Variants in EPHX2 observed in about 807,000 individuals in gnomAD.
EPHX2 encodes the protein epoxide hydrolase 2.
Under a neutral mutation model 78.7 loss-of-function variants are expected in EPHX2, and 74 were observed. That is an observed-to-expected ratio of 0.94 (90% CI 0.78 to 1.14). EPHX2 has a LOEUF of 1.14. Ranked by LOEUF, EPHX2 falls within the 50% of genes most tolerant of loss-of-function variation. The pLI is 0.00. For synonymous variants in EPHX2, 251 were observed against 255.2 expected, an observed-to-expected ratio of 0.98 and a Z score of 0.16; for missense variants, 715 against 702.5, an observed-to-expected ratio of 1.02 and a Z score of -0.20.
intron 12 of EPHX2, among the ~76,000 whole-genome samples, chr8:27,533,198 G>T (rs1815102630): frequency 6.6e-6 from 1 of 152,160 alleles, no homozygotes; most frequent in African/African-American, 2.4e-5. Flanking sequence ...TAAGAAATGG[G>T]CATTATCTCA....
chr8:27,525,837 C>T (rs895196562), intron 12 of EPHX2, among the ~76,000 whole-genome samples: 1 of 152,186 alleles, frequency 6.6e-6, no homozygotes, highest in African/African-American at 2.4e-5. Context: ...AGTCCTGCAA[C>T]AGGCCCCACA....
intron 2 of EPHX2, among the ~76,000 whole-genome samples, chr8:27,501,324 TTTCTTCTTCTTCTTCTTCTTCTTC>T (rs796293855): frequency 8.8e-4 from 91 of 103,012 alleles, no homozygotes; most frequent in South Asian, 2.3e-3. Flanking sequence ...TGCTATATAT[TTTCTTCTTCTTCTTCTTCTTCTTC>T]TTCTTCTTCT....
At chr8:27,503,519 G>A (rs1459234021) in intron 2 of EPHX2, 85 bp from the exon 3 acceptor site, 6 of 1,423,854 alleles carry the variant, frequency 4.2e-6, no homozygotes, top group Non-Finnish European at 4.8e-6. Flanking sequence ...TTGGTCACAG[G>A]GAATGTATAT....
At chr8:27,538,767 A>G (rs1447197003) in intron 14 of EPHX2, 75 bp downstream of exon 14, 20 of 1,511,068 alleles carry the variant, frequency 1.3e-5, no homozygotes, top group Non-Finnish European at 1.8e-5. Context: ...TCTGACTGCT[A>G]TGGGCAGAAG....
At chr8:27,501,484 G>A (rs775684097) in intron 2 of EPHX2, among the ~76,000 whole-genome samples, 73 of 151,582 alleles carry the variant, frequency 4.8e-4, no homozygotes, top group Middle Eastern at 6.8e-3. Context: ...GCTCACTGCA[G>A]CCTTTACCTC....
intron 1 of EPHX2, among the ~76,000 whole-genome samples, chr8:27,499,433 A>G (rs1813687810): frequency 6.6e-6 from 1 of 152,218 alleles, no homozygotes; most frequent in African/African-American, 2.4e-5. Flanking sequence ...ATGTCTCCAT[A>G]TAGTTGGTCC....
intron 1 of EPHX2, among the ~76,000 whole-genome samples, chr8:27,496,553 C>G (rs1473067235): frequency 6.6e-6 from 1 of 152,176 alleles, no homozygotes; most frequent in Non-Finnish European, 1.5e-5. Flanking sequence ...TTGGGTATAG[C>G]TGGATATAGA....
At chr8:27,492,541 C>T (rs1468696225) in intron 1 of EPHX2, among the ~76,000 whole-genome samples, 3 of 152,064 alleles carry the variant, frequency 2.0e-5, no homozygotes, top group African/African-American at 7.2e-5. Context: ...GTGTTACACT[C>T]GTAAAGATGG....
chr8:27,496,640 T>C (rs531025748), intron 1 of EPHX2, among the ~76,000 whole-genome samples: 34 of 152,296 alleles, frequency 2.2e-4, no homozygotes, highest in African/African-American at 7.7e-4. Flanking sequence ...ACTCCTGGAA[T>C]TGGGGTGTTG....
At chr8:27,502,732 A>G (rs1271037122) in intron 2 of EPHX2, among the ~76,000 whole-genome samples, 1 of 152,170 alleles carries the variant, frequency 6.6e-6, no homozygotes. Flanking sequence ...GTGTGTGTCT[A>G]TGTCCTCATC....
Position 27,491,312 on chromosome 8 carries a change from A to G in EPHX2, c.101+3A>G, listed in dbSNP as rs1234725383. On this transcript the variant is annotated splice_donor_region_variant and intron_variant, in intron 1 of 18. Transcript: ENST00000521400. ...GAGGAGGCCCTGGCGCTGCCCAGGT[A>G]AGGGGGCCCAGCGCCGCCGCCGCAG... 1.3e-6 allele frequency: 2 copies of G among 1,505,894 alleles called. No homozygotes were observed. Among genetic ancestry groups the G allele is most frequent in the Admixed American group, 4.4e-5 (2 of 45,306 alleles). The allele number at this position is 1,505,894 out of a possible 1,614,324, so 93.3% of individuals were successfully genotyped here. A position where few individuals can be genotyped will look rare whatever the true frequency, so the allele number is the denominator to read the frequency against.
At chr8:27,535,957 C>A (rs1302855192) in intron 12 of EPHX2, among the ~76,000 whole-genome samples, 1 of 152,154 alleles carries the variant, frequency 6.6e-6, no homozygotes, top group Non-Finnish European at 1.5e-5. Context: ...TCCAGTTTGC[C>A]AGAGAAGGAG....
intron 8 of EPHX2, 50 bp downstream of exon 8, chr8:27,516,448 G>A (rs1440850202): frequency 1.9e-6 from 3 of 1,558,208 alleles, no homozygotes; most frequent in Non-Finnish European, 2.7e-6. Context: ...CCTTCTACCT[G>A]CCTGAGCGCT....
chr8:27,506,943 C>G lies in EPHX2; in HGVS notation c.609C>G (p.Val203=). Reference sequence around the variant, plus strand: ...ACTTGGGAATGGTCACCATCCTGGTCCAGGACACTGACACGGCCCTGAAAG... The same window carrying G: ...ACTTGGGAATGGTCACCATCCTGGTGCAGGACACTGACACGGCCCTGAAAG... ...ARDLGMVTIL[V]QDTDTALKEL... is the part of the protein sequence containing the mutation. The change falls in exon 5 of 19, where the codon GTC becomes GTG. Residue 203 remains valine (V), a synonymous_variant. Transcript: ENST00000521400. 1 of 1,614,090 alleles carries G rather than the reference C, an allele frequency of 6.2e-7. No homozygotes were observed. Among genetic ancestry groups the G allele is most frequent in the East Asian group, 2.2e-5 (1 of 44,878 alleles).
intron 7 of EPHX2, 45 bp downstream of exon 7, chr8:27,515,858 G>A (rs1814430030): frequency 1.9e-6 from 3 of 1,552,080 alleles, no homozygotes; most frequent in Non-Finnish European, 2.7e-6. Context: ...TGAGGTTGGG[G>A]GAGTCTAGAT....
At chr8:27,507,274 C>G (rs1335154210) in intron 5 of EPHX2, among the ~76,000 whole-genome samples, 1 of 152,190 alleles carries the variant, frequency 6.6e-6, no homozygotes, top group African/African-American at 2.4e-5. Context: ...TCAAGGTCAT[C>G]CTGACCTCAC....
At chr8:27,522,205 T>C (rs1311418988) in intron 10 of EPHX2, among the ~76,000 whole-genome samples, 2 of 152,122 alleles carry the variant, frequency 1.3e-5, no homozygotes, top group African/African-American at 4.8e-5. Flanking sequence ...CCATGGCCTG[T>C]GGCCTTGGTC....
intron 4 of EPHX2, 63 bp downstream of exon 4, chr8:27,505,209 T>A: frequency 1.9e-6 from 3 of 1,551,620 alleles, no homozygotes; most frequent in Non-Finnish European, 2.6e-6. Context: ...AGGGAAAAAC[T>A]GAGGAGTGAG....
intron 4 of EPHX2, 92 bp from the exon 5 acceptor site, chr8:27,506,780 A>C (rs1393097165): frequency 1.3e-6 from 2 of 1,519,188 alleles, no homozygotes; most frequent in African/African-American, 1.4e-5. Context: ...TATAAAAGAA[A>C]AAGAGTTTTT....
Sources: gnomAD v4.1 joint callset for allele counts (sites outside exome capture counted in the v4.1 genomes callset) on GRCh38, gnomAD v4.1.1 for gene constraint, MANE v1.5 for transcripts, NCBI Gene and HGNC (gene_info 2026-07-23, HGNC 2026-07-21) for gene names.